Variants in DPP10 observed in about 807,000 individuals in gnomAD.
DPP10 encodes the protein dipeptidyl peptidase like 10.
A neutral mutation model predicts 120.9 loss-of-function variants in DPP10; 33 were observed. That is an observed-to-expected ratio of 0.27 (90% confidence interval 0.21 to 0.37). The LOEUF (loss-of-function observed/expected upper bound fraction) is 0.37. Among genes scored for constraint, DPP10 ranks in the 10% least tolerant of loss-of-function variants. The pLI is 1.00. For synonymous variants in DPP10, 337 were observed against 326.1 expected, an observed-to-expected ratio of 1.03 and a Z score of -0.36; for missense variants, 816 against 942.8, an observed-to-expected ratio of 0.87 and a Z score of 1.76.
intron 1 of DPP10, among the ~76,000 whole-genome samples, chr2:115,145,883 C>T (rs528360718): frequency 6.6e-6 from 1 of 152,196 alleles, no homozygotes; most frequent in Non-Finnish European, 1.5e-5. Context: ...TTTTAATTCT[C>T]AATTCCCTAA....
chr2:115,817,684 T>TTG (rs1165419975), intron 21 of DPP10, among the ~76,000 whole-genome samples: 5 of 152,132 alleles, frequency 3.3e-5, no homozygotes, highest in African/African-American at 9.7e-5. Context: ...TTTTTGTTTT[T>TTG]TTTTTTAAAG....
At chr2:114,795,986 T>C (rs13017613) in intron 1 of DPP10, among the ~76,000 whole-genome samples, 8,960 of 152,238 alleles carry the variant, frequency 0.059, 304 homozygotes, top group South Asian at 0.1. Context: ...TGTACTACTA[T>C]AGTAATTTTG....
chr2:115,478,638 T>C (rs2075239826), intron 3 of DPP10, among the ~76,000 whole-genome samples: 1 of 152,098 alleles, frequency 6.6e-6, no homozygotes, highest in African/African-American at 2.4e-5. Context: ...GGAAGAAATA[T>C]TTGCAAGTCA....
At chr2:114,565,948 T>C (rs1365454529) in intron 1 of DPP10, among the ~76,000 whole-genome samples, 1 of 152,230 alleles carries the variant, frequency 6.6e-6, no homozygotes, top group Non-Finnish European at 1.5e-5. Flanking sequence ...CAGACACTAT[T>C]CTGGTTACTA....
At chr2:115,093,891 C>T (rs1211392664) in intron 1 of DPP10, among the ~76,000 whole-genome samples, 2 of 152,024 alleles carry the variant, frequency 1.3e-5, no homozygotes, top group African/African-American at 4.8e-5. Context: ...TTTAATCCCC[C>T]TCTTTTTAAT....
At chr2:114,976,357 T>C (rs1021960256) in intron 1 of DPP10, among the ~76,000 whole-genome samples, 1 of 152,226 alleles carries the variant, frequency 6.6e-6, no homozygotes, top group Non-Finnish European at 1.5e-5. Context: ...CAATGCATAC[T>C]GCAACTTCTA....
chr2:115,431,830 A>G (rs1426607056), intron 3 of DPP10, among the ~76,000 whole-genome samples: 1 of 152,122 alleles, frequency 6.6e-6, no homozygotes, highest in Non-Finnish European at 1.5e-5. Context: ...AGGCACTTGC[A>G]TCTGCCTAAA....
chr2:115,560,943 A>G (rs2080617451), intron 5 of DPP10, among the ~76,000 whole-genome samples: 1 of 152,118 alleles, frequency 6.6e-6, no homozygotes, highest in South Asian at 2.1e-4. Context: ...CTTTCAAGTG[A>G]AAGTGAAAGA....
chr2:115,663,609 T>C (rs561656405), intron 5 of DPP10, among the ~76,000 whole-genome samples: 8 of 152,286 alleles, frequency 5.3e-5, no homozygotes, highest in South Asian at 4.1e-4. Context: ...AGAGTATAGA[T>C]TGACATTCGG....
chr2:114,620,138 G>A (rs1693985066), intron 1 of DPP10, among the ~76,000 whole-genome samples: 1 of 151,900 alleles, frequency 6.6e-6, no homozygotes, highest in Non-Finnish European at 1.5e-5. Flanking sequence ...CAGAAATTAT[G>A]TGTTGTTAAT....
rs182885804 is a variant in DPP10 at position 114,808,975 on chromosome 2, T to G, written c.60+366137T>G. Among the ~76,000 whole-genome samples the G allele has an allele frequency of 2.0e-5, 3 of 152,312 alleles. No homozygotes were observed. In the East Asian group the frequency reaches 5.8e-4, roughly 29 times the overall value. On this transcript the variant is annotated intron_variant, in intron 1 of 25. Coordinates refer to ENST00000410059, the MANE Select transcript of DPP10 (RefSeq NM_020868.6). ...ATATTGTGTCTATTACCCCTAGAAT[T>G]TATAGTGTCTTGAAATGTGTAAAAG...
chr2:114,950,217 CT>C (rs535551197), intron 1 of DPP10, among the ~76,000 whole-genome samples: 1 of 148,340 alleles, frequency 6.7e-6, no homozygotes, highest in East Asian at 2.0e-4. Flanking sequence ...TCTTTAGAAG[CT>C]TTTTTTTGTC....
intron 1 of DPP10, among the ~76,000 whole-genome samples, chr2:114,644,489 C>T (rs577787204): frequency 2.6e-5 from 4 of 151,950 alleles, no homozygotes; most frequent in South Asian, 4.1e-4. Flanking sequence ...TATAATTTTA[C>T]TCCCTATGTC....
At chr2:114,692,052 T>G (rs1699784419) in intron 1 of DPP10, among the ~76,000 whole-genome samples, 1 of 152,066 alleles carries the variant, frequency 6.6e-6, no homozygotes, top group Admixed American at 6.6e-5. Flanking sequence ...ATTCGTTTAT[T>G]TTTTGAAGGG....
intron 1 of DPP10, among the ~76,000 whole-genome samples, chr2:114,880,581 G>A (rs1691519758): frequency 6.6e-6 from 1 of 152,074 alleles, no homozygotes; most frequent in Non-Finnish European, 1.5e-5. Context: ...AAAAAATCCT[G>A]CAACATAATT....
At chr2:115,302,611 AAAAC>A (rs1250015176) in intron 1 of DPP10, among the ~76,000 whole-genome samples, 1 of 151,958 alleles carries the variant, frequency 6.6e-6, no homozygotes, top group African/African-American at 2.4e-5. Context: ...AAAAACAAGA[AAAAC>A]AATCCCGGAA....
intron 7 of DPP10, among the ~76,000 whole-genome samples, chr2:115,693,402 G>A (rs2149508855): frequency 6.6e-6 from 1 of 152,042 alleles, no homozygotes; most frequent in African/African-American, 2.4e-5. Context: ...TGGTCCATTG[G>A]GCCAGAAGCA....
At chr2:115,093,186 A>T (rs889590761) in intron 1 of DPP10, among the ~76,000 whole-genome samples, 1 of 152,162 alleles carries the variant, frequency 6.6e-6, no homozygotes, top group Non-Finnish European at 1.5e-5. Context: ...ACAGTGACTA[A>T]CTACACAGAG....
chr2:114,952,114 A>G (rs1209479641), intron 1 of DPP10, among the ~76,000 whole-genome samples: 1 of 151,994 alleles, frequency 6.6e-6, no homozygotes, highest in Non-Finnish European at 1.5e-5. Flanking sequence ...ACATATTAAA[A>G]TCTCATATTA....
Sources: gnomAD v4.1 joint callset for allele counts (sites outside exome capture counted in the v4.1 genomes callset) on GRCh38, gnomAD v4.1.1 for gene constraint, MANE v1.5 for transcripts, NCBI Gene and HGNC (gene_info 2026-07-23, HGNC 2026-07-21) for gene names.